ZNF136: variants seen among roughly 807,000 people sequenced by gnomAD.
ZNF136 encodes zinc finger protein 136.
Under a neutral mutation model 11.4 loss-of-function variants are expected in ZNF136, and 8 were observed. The observed-to-expected ratio is 0.70, with a 90% CI of 0.41 to 1.27. The LOEUF (loss-of-function observed/expected upper bound fraction) is 1.27, where lower values mean the gene tolerates loss of function less well. Among genes scored for constraint, ZNF136 ranks in the 50% most tolerant of loss-of-function variants. ZNF136 has a pLI of 0.01. For missense variants in ZNF136, 590 were observed against 656.5 expected (o/e 0.90, Z 1.11); for synonymous variants, 190 against 207.1 (o/e 0.92, Z 0.71).
chr19:12,177,190 T>C (rs1914818144), intron 1 of ZNF136, among the ~76,000 whole-genome samples: 2 of 152,224 alleles, frequency 1.3e-5, no homozygotes, highest in Admixed American at 1.3e-4. Flanking sequence ...CCATTTCCAG[T>C]TTACTGAATG....
At chr19:12,184,384 C>T (rs1321419812) in intron 1 of ZNF136, among the ~76,000 whole-genome samples, 1 of 151,894 alleles carries the variant, frequency 6.6e-6, no homozygotes, top group Non-Finnish European at 1.5e-5. Context: ...CATGGTGAAA[C>T]CCTGTCTGTA....
At chr19:12,166,123 G>T (rs940592540) in intron 1 of ZNF136, among the ~76,000 whole-genome samples, 1 of 152,008 alleles carries the variant, frequency 6.6e-6, no homozygotes, top group East Asian at 1.9e-4. Context: ...AGGTACTCAG[G>T]AGGCTGAGGC....
rs370435156 is a variant in ZNF136, at chr19:12,172,780, G to T, written c.3+9574G>T. ...TGTAATCCCAGTACTGTGGGAGGCT[G>T]AGGCAGGCGGATCACGAGGTCAGGA... On this transcript the variant is annotated intron_variant, in intron 1 of 3. Transcript: ENST00000343979. 9.8e-4 allele frequency among the ~76,000 whole-genome samples: 149 copies of T among 152,302 alleles called. 1 individual carries two copies. The South Asian group carries it at 0.03, about 30-fold the overall frequency.
intron 1 of ZNF136, among the ~76,000 whole-genome samples, chr19:12,172,215 C>G (rs1914674023): frequency 6.6e-6 from 1 of 152,062 alleles, no homozygotes; most frequent in Non-Finnish European, 1.5e-5. Context: ...TCCCAACATG[C>G]TGGGATTACA....
intron 1 of ZNF136, among the ~76,000 whole-genome samples, chr19:12,176,173 T>C (rs1296938452): frequency 6.6e-6 from 1 of 152,126 alleles, no homozygotes; most frequent in African/African-American, 2.4e-5. Context: ...TTTCAGCTCA[T>C]TTGGATAAAC....
intron 1 of ZNF136, among the ~76,000 whole-genome samples, chr19:12,165,472 AG>A (rs1318933149): frequency 6.6e-6 from 1 of 152,242 alleles, no homozygotes; most frequent in African/African-American, 2.4e-5. Flanking sequence ...GGTAGATTTC[AG>A]GGGGAAAGAG....
At chr19:12,167,020 C>A (rs1977196662) in intron 1 of ZNF136, among the ~76,000 whole-genome samples, 1 of 152,144 alleles carries the variant, frequency 6.6e-6, no homozygotes, top group African/African-American at 2.4e-5. Context: ...TAGGAAGGGG[C>A]AAACAGATTA....
chr19:12,182,531 A>G (rs901887037), intron 1 of ZNF136, among the ~76,000 whole-genome samples: 1 of 152,170 alleles, frequency 6.6e-6, no homozygotes, highest in Non-Finnish European at 1.5e-5. Context: ...ACCTCTTGGG[A>G]CACTCAGCTT....
chr19:12,172,880 T>C (rs1211613205), intron 1 of ZNF136, among the ~76,000 whole-genome samples: 2 of 151,970 alleles, frequency 1.3e-5, no homozygotes, highest in Non-Finnish European at 2.9e-5. Flanking sequence ...GGTGTGATGG[T>C]GCGTGCCTGT....
intron 1 of ZNF136, among the ~76,000 whole-genome samples, 197 bp downstream of exon 1, chr19:12,163,403 G>T (rs1472536750): frequency 1.3e-5 from 2 of 152,210 alleles, no homozygotes; most frequent in African/African-American, 4.8e-5. Flanking sequence ...GGGCGTCCTC[G>T]TCCCGCCCTG....
chr19:12,186,694 G>A lies in ZNF136; in HGVS notation c.316G>A (p.Val106Ile). 6.2e-7 allele frequency: 1 copy of A among 1,614,120 alleles called. No individual in the cohort carries two copies. The highest frequency in any genetic ancestry group is 8.5e-7 in the Non-Finnish European group (1 of 1,180,012). ...TGGAGTGAAACTCTGTGAAAGCATT[G>A]TATATGGAGAAGTCAGCATGGGTCA... The part of the protein sequence containing the change: ...IPGVKLCESI[V>I]YGEVSMGQSS... The change falls in exon 4 of 4, where the codon GTA (valine) becomes ATA (isoleucine). Residue 106 changes from valine to isoleucine, a missense_variant. Coordinates refer to ENST00000343979, the MANE Select transcript of ZNF136 (RefSeq NM_003437.5).
intron 1 of ZNF136, among the ~76,000 whole-genome samples, chr19:12,179,757 A>T (rs1438200293): frequency 1.3e-5 from 2 of 152,254 alleles, no homozygotes; most frequent in Non-Finnish European, 2.9e-5. Flanking sequence ...GAAGTAAAAA[A>T]GATGGAGTGG....
intron 1 of ZNF136, among the ~76,000 whole-genome samples, chr19:12,165,981 A>T (rs2145625152): frequency 6.6e-6 from 1 of 152,308 alleles, no homozygotes; most frequent in African/African-American, 2.4e-5. Context: ...TAATCCCAGC[A>T]CTTTGGGAGG....
chr19:12,166,054 C>T (rs1977182065), intron 1 of ZNF136, among the ~76,000 whole-genome samples: 1 of 152,004 alleles, frequency 6.6e-6, no homozygotes, highest in South Asian at 2.1e-4. Flanking sequence ...CTGGTGAAAA[C>T]TCGTCTCTGC....
At chr19:12,180,744 T>G (rs1043559913) in intron 1 of ZNF136, among the ~76,000 whole-genome samples, 1 of 152,200 alleles carries the variant, frequency 6.6e-6, no homozygotes, top group Non-Finnish European at 1.5e-5. Flanking sequence ...CAATAATGAT[T>G]CCCCGTAAAG....
intron 1 of ZNF136, among the ~76,000 whole-genome samples, chr19:12,174,047 A>C (rs528635275): frequency 6.6e-6 from 1 of 152,208 alleles, no homozygotes; most frequent in African/African-American, 2.4e-5. Flanking sequence ...CTGGGATTAC[A>C]GGCATGCACT....
intron 1 of ZNF136, among the ~76,000 whole-genome samples, chr19:12,180,846 C>G (rs770903721): frequency 6.6e-6 from 1 of 152,152 alleles, no homozygotes; most frequent in Non-Finnish European, 1.5e-5. Context: ...GTATCTGGAA[C>G]CTGGAGGAAG....
chr19:12,181,927 G>A (rs374480208), intron 1 of ZNF136, among the ~76,000 whole-genome samples: 4 of 151,998 alleles, frequency 2.6e-5, no homozygotes, highest in South Asian at 2.1e-4. Flanking sequence ...GAGCCACCGC[G>A]CCCGGCCATT....
chr19:12,167,381 A>C (rs946139618), intron 1 of ZNF136, among the ~76,000 whole-genome samples: 2 of 152,202 alleles, frequency 1.3e-5, no homozygotes, highest in African/African-American at 4.8e-5. Context: ...TTTTGTTCCC[A>C]CTGATCAGTG....
Sources: allele counts gnomAD v4.1 joint callset (sites outside exome capture counted in the v4.1 genomes callset), GRCh38; gene constraint gnomAD v4.1.1; transcripts MANE v1.5; gene names NCBI Gene and HGNC (gene_info 2026-07-23, HGNC 2026-07-21).